Variants in TAFA5 observed in about 807,000 individuals in gnomAD.
The protein encoded by TAFA5 is TAFA chemokine like family member 5.
In TAFA5, 6 loss-of-function variants were observed where a neutral mutation model predicts 15.3. The observed-to-expected ratio is 0.39, with a 90% CI of 0.21 to 0.77. TAFA5 has a LOEUF of 0.77. Among genes scored for constraint, TAFA5 ranks in the 30% least tolerant of loss-of-function variants. The pLI is 0.41. For synonymous variants in TAFA5, 103 were observed against 80.7 expected, an observed-to-expected ratio of 1.28 and a Z score of -1.48; for missense variants, 161 against 193.1, an observed-to-expected ratio of 0.83 and a Z score of 0.98.
intron 3 of TAFA5, among the ~76,000 whole-genome samples, chr22:48,726,039 TAGAA>T (rs1260483725): frequency 2.6e-5 from 4 of 151,962 alleles, no homozygotes; most frequent in Admixed American, 6.6e-5. Context: ...ATTAAGAAAA[TAGAA>T]AGACAAGAGA....
intron 3 of TAFA5, among the ~76,000 whole-genome samples, chr22:48,744,448 A>C (rs1930269411): frequency 1.3e-5 from 2 of 152,132 alleles, no homozygotes; most frequent in South Asian, 4.1e-4. Flanking sequence ...GGAGGCATCG[A>C]TACCTGGTGG....
intron 1 of TAFA5, among the ~76,000 whole-genome samples, chr22:48,620,601 A>ATCCCCCCACCCACCATCC (rs1555893262): frequency 1.8e-4 from 3 of 16,770 alleles, no homozygotes; most frequent in African/African-American, 3.0e-4. Context: ...CCACCCCCCT[A>ATCCCCCCACCCACCATCC]CCCATCCTAT....
intron 1 of TAFA5, among the ~76,000 whole-genome samples, chr22:48,622,151 C>T (rs1925860754): frequency 6.6e-6 from 1 of 152,152 alleles, no homozygotes; most frequent in Non-Finnish European, 1.5e-5. Flanking sequence ...CATGAGAACC[C>T]AGGGGTACCG....
intron 1 of TAFA5, among the ~76,000 whole-genome samples, chr22:48,565,598 C>T (rs961840289): frequency 1.3e-5 from 2 of 152,248 alleles, no homozygotes; most frequent in African/African-American, 4.8e-5. Context: ...CACAGAGAAA[C>T]TGTCATTCTC....
intron 2 of TAFA5, among the ~76,000 whole-genome samples, chr22:48,671,099 T>C (rs1927789589): frequency 6.6e-6 from 1 of 152,046 alleles, no homozygotes; most frequent in African/African-American, 2.4e-5. Flanking sequence ...ATGCTCACAC[T>C]CTTAAATCAT....
At chr22:48,592,590 C>T (rs1283933556) in intron 1 of TAFA5, among the ~76,000 whole-genome samples, 1 of 151,550 alleles carries the variant, frequency 6.6e-6, no homozygotes, top group African/African-American at 2.4e-5. Context: ...TTTCTCTTTT[C>T]ATCTCTGGGG....
chr22:48,618,190 G>A (rs992270327), intron 1 of TAFA5, among the ~76,000 whole-genome samples: 6 of 152,088 alleles, frequency 3.9e-5, no homozygotes, highest in African/African-American at 1.4e-4. Context: ...GATACTGGAG[G>A]GTGGGAGTTG....
intron 1 of TAFA5, chr22:48,544,151 G>C (rs986348279): frequency 6.1e-6 from 1 of 164,230 alleles, no homozygotes; most frequent in Non-Finnish European, 1.3e-5. Context: ...TGTCTGGGGT[G>C]TGCACCCTGG....
rs985966924 is a variant in TAFA5 at position 48,550,215 on chromosome 22, C to T, written c.112+60511C>T. Among the ~76,000 whole-genome samples the T allele has an allele frequency of 5.9e-5, 9 of 152,208 alleles. No individual in the cohort carries two copies. Among genetic ancestry groups the T allele is most frequent in the African/African-American group, 2.2e-4 (9 of 41,458 alleles). The stretch of plus-strand genomic sequence containing the variant: ...GCCTACCTAGAGCTAGAGAAGGCTC[C>T]AGGAGTTGAGTGCTTGGCTCCAGGG... On this transcript the variant is annotated intron_variant, in intron 1 of 3. Coordinates refer to ENST00000402357, the MANE Select transcript of TAFA5 (RefSeq NM_001082967.3). The surrounding 1 kb of genome is among the most constrained non-coding windows in gnomAD (Gnocchi z 4.1).
At chr22:48,749,114 C>T (rs1930408868) in intron 3 of TAFA5, among the ~76,000 whole-genome samples, 1 of 152,136 alleles carries the variant, frequency 6.6e-6, no homozygotes, top group South Asian at 2.1e-4. Context: ...AGGATGGAGG[C>T]AGAGATCAGG....
At chr22:48,515,767 G>A (rs1434112800) in intron 1 of TAFA5, among the ~76,000 whole-genome samples, 1 of 152,188 alleles carries the variant, frequency 6.6e-6, no homozygotes, top group East Asian at 1.9e-4. Flanking sequence ...ACAGTGCGGG[G>A]ACTTGGGGAC....
chr22:48,624,707 A>AGT (rs374618373), intron 1 of TAFA5, among the ~76,000 whole-genome samples: 322 of 152,230 alleles, frequency 2.1e-3, no homozygotes, highest in African/African-American at 7.3e-3. Flanking sequence ...TGGCACCACC[A>AGT]GTGACTCCTG....
At chr22:48,500,573 C>T (rs1054791788) in intron 1 of TAFA5, among the ~76,000 whole-genome samples, 1 of 152,222 alleles carries the variant, frequency 6.6e-6, no homozygotes, top group Non-Finnish European at 1.5e-5. Context: ...GCGCCGGGCC[C>T]GCAGGCGGGC....
At chr22:48,670,910 G>A (rs747789357) in intron 2 of TAFA5, among the ~76,000 whole-genome samples, 3 of 152,170 alleles carry the variant, frequency 2.0e-5, no homozygotes, top group Non-Finnish European at 2.9e-5. Context: ...GGGACAGTTG[G>A]TGCTAACTTA....
chr22:48,537,795 C>T (rs1569016653), intron 1 of TAFA5, among the ~76,000 whole-genome samples: 1 of 152,228 alleles, frequency 6.6e-6, no homozygotes, highest in African/African-American at 2.4e-5. Flanking sequence ...AAGCCAGGCT[C>T]CTGCCGGAGT....
At chr22:48,634,688 C>CTCAG (rs1009270631) in intron 1 of TAFA5, among the ~76,000 whole-genome samples, 137 of 152,236 alleles carry the variant, frequency 9.0e-4, no homozygotes, top group Middle Eastern at 3.4e-3. Flanking sequence ...CAGTCAATCA[C>CTCAG]TCAGTCAGTC....
At chr22:48,577,817 T>G (rs1923873897) in intron 1 of TAFA5, among the ~76,000 whole-genome samples, 1 of 152,172 alleles carries the variant, frequency 6.6e-6, no homozygotes, top group Non-Finnish European at 1.5e-5. Context: ...GCTGCGGGCT[T>G]GGCCTGCCAG....
intron 1 of TAFA5, among the ~76,000 whole-genome samples, chr22:48,518,961 C>T (rs563397332): frequency 1.9e-4 from 29 of 152,268 alleles, no homozygotes; most frequent in East Asian, 5.8e-4. Flanking sequence ...CTCACCTGTC[C>T]GTCAAGAGCT....
chr22:48,693,375 T>C (rs2147239898), intron 2 of TAFA5: 1 of 1,612,088 alleles, frequency 6.2e-7, no homozygotes, highest in East Asian at 2.2e-5. Context: ...CCACCGGGAA[T>C]GGCCAGGTGA....
Sources: gnomAD v4.1 joint callset for allele counts (sites outside exome capture counted in the v4.1 genomes callset) on GRCh38, gnomAD v4.1.1 for gene constraint, Gnocchi (gnomAD v3.1) non-coding constraint, MANE v1.5 for transcripts, NCBI Gene and HGNC (gene_info 2026-07-23, HGNC 2026-07-21) for gene names.